The following PRKAR1A variants were observed in gnomAD, a reference collection of about 807,000 sequenced individuals.
The protein encoded by PRKAR1A is protein kinase cAMP-dependent type I regulatory subunit alpha.
PRKAR1A carries 3 observed loss-of-function variants against 52.0 expected under a neutral mutation model. The observed-to-expected ratio is 0.06, with a 90% CI of 0.03 to 0.15. The LOEUF is 0.15. PRKAR1A is among the 10% of genes least tolerant of loss of function. PRKAR1A has a pLI of 1.00. For synonymous variants in PRKAR1A, 188 were observed against 168.4 expected (o/e 1.12, Z -0.90); for missense variants, 240 against 477.4 (o/e 0.50, Z 4.63).
chr17:68,419,437 G>A, the PRKAR1A span, among the ~76,000 whole-genome samples: 7 of 152,186 alleles, frequency 4.6e-5, no homozygotes, highest in East Asian at 7.7e-4. Context: ...TTAGCCGAGC[G>A]TGGTGGCAGG....
At chr17:68,450,785 T>A in the PRKAR1A span, 2 of 1,614,048 alleles carry the variant, frequency 1.2e-6, no homozygotes, top group Non-Finnish European at 1.7e-6. Flanking sequence ...TACAGATCTC[T>A]GTGCCTTTCT....
chr17:68,438,567 C>G, the PRKAR1A span, among the ~76,000 whole-genome samples: 1 of 152,174 alleles, frequency 6.6e-6, no homozygotes, highest in Non-Finnish European at 1.5e-5. Context: ...CTTACAAATG[C>G]AGTGTGTAAC....
chr17:68,502,846 A>C, the PRKAR1A span, among the ~76,000 whole-genome samples: 2 of 152,024 alleles, frequency 1.3e-5, no homozygotes, highest in Admixed American at 1.3e-4. Flanking sequence ...TTGGAAATCC[A>C]TCATCTATAT....
chr17:68,510,159 C>CAGAGAGAGAGAGAGAGAGAGAG (rs35144524), upstream of PRKAR1A, among the ~76,000 whole-genome samples: 2,321 of 127,408 alleles, frequency 0.018, 88 homozygotes, highest in Non-Finnish European at 0.028. Flanking sequence ...TATATGTAGA[C>CAGAGAGAGAGAGAGAGAGAGAG]AGAGAGAGAG....
chr17:68,417,325 C>G, the PRKAR1A span, among the ~76,000 whole-genome samples: 1 of 152,116 alleles, frequency 6.6e-6, no homozygotes, highest in Non-Finnish European at 1.5e-5. Context: ...GTTAAGAAAA[C>G]TAGAATGTTT....
Position 68,530,287 on chromosome 17 carries a change from A to T in PRKAR1A, c.984A>T (p.Ala328=). The part of the protein sequence containing the change: ...LGPSDYFGEI[A]LLMNRPRAAT... ...CTTTGCTTTCTCCAGGTGAAATTGC[A>T]CTACTGATGAATCGTCCTCGTGCTG... The change falls in exon 11 of 11, where the codon GCA becomes GCT. Residue 328 remains alanine (A), a synonymous_variant. Transcript: ENST00000589228. 3.1e-6 allele frequency: 5 copies of T among 1,614,140 alleles called. No individual in the cohort carries two copies. Among genetic ancestry groups the T allele is most frequent in the Non-Finnish European group, 4.2e-6 (5 of 1,180,004 alleles).
chr17:68,511,450 C>A (rs1304722900), upstream of PRKAR1A, among the ~76,000 whole-genome samples: 2 of 152,168 alleles, frequency 1.3e-5, no homozygotes. Context: ...CCCATTAGTG[C>A]AGCTTGTCTG....
intron 11 of PRKAR1A, chr17:68,542,737 G>A: frequency 6.2e-7 from 1 of 1,614,128 alleles, no homozygotes; most frequent in Non-Finnish European, 8.5e-7. Context: ...CATTCTTGGT[G>A]ACCTCTAGGA....
intron 8 of PRKAR1A, 138 bp from the exon 9 acceptor site, chr17:68,528,732 A>G: frequency 1.8e-6 from 2 of 1,138,064 alleles, no homozygotes; most frequent in Non-Finnish European, 2.6e-6. Context: ...AATTGAAGAC[A>G]GGTACCACTT....
At chr17:68,448,703 A>G in the PRKAR1A span, among the ~76,000 whole-genome samples, 2 of 152,238 alleles carry the variant, frequency 1.3e-5, no homozygotes, top group South Asian at 4.1e-4. Flanking sequence ...CAATCTTAAA[A>G]AGATCATCAG....
At chr17:68,436,618 C>T in the PRKAR1A span, 20 of 697,706 alleles carry the variant, frequency 2.9e-5, no homozygotes, top group East Asian at 1.4e-4. Context: ...AACTGCTTTC[C>T]GCTGATGATT....
the PRKAR1A span, among the ~76,000 whole-genome samples, chr17:68,494,352 C>T: frequency 6.6e-6 from 1 of 152,018 alleles, no homozygotes; most frequent in African/African-American, 2.4e-5. Flanking sequence ...CCAGCCTGGC[C>T]AGCATAGAGA....
At chr17:68,540,517 A>C in intron 11 of PRKAR1A, 3 of 481,834 alleles carry the variant, frequency 6.2e-6, no homozygotes, top group Non-Finnish European at 8.2e-6. Flanking sequence ...CCTCCCTGCT[A>C]CATATTTGTG....
intron 2 of PRKAR1A, among the ~76,000 whole-genome samples, chr17:68,521,820 T>C (rs1285493682): frequency 6.6e-6 from 1 of 152,192 alleles, no homozygotes; most frequent in Non-Finnish European, 1.5e-5. Flanking sequence ...AGAAAAGAAA[T>C]AACGGGTCAA....
At chr17:68,427,003 T>A in the PRKAR1A span, 1 of 715,208 alleles carries the variant, frequency 1.4e-6, no homozygotes, top group Non-Finnish European at 2.4e-6. Context: ...CAGGTAACAG[T>A]GAAGGGGGAA....
chr17:68,452,735 G>A, the PRKAR1A span, among the ~76,000 whole-genome samples: 1 of 152,204 alleles, frequency 6.6e-6, no homozygotes, highest in South Asian at 2.1e-4. Flanking sequence ...CTAAGTGCTT[G>A]TGGTTTAAAG....
At chr17:68,548,567 A>G (rs1240776195) in intron 11 of PRKAR1A, among the ~76,000 whole-genome samples, 2 of 151,996 alleles carry the variant, frequency 1.3e-5, no homozygotes, top group Non-Finnish European at 2.9e-5. Flanking sequence ...GAATTACCAA[A>G]TGTGACACAG....
chr17:68,496,801 C>A, the PRKAR1A span, among the ~76,000 whole-genome samples: 1 of 131,752 alleles, frequency 7.6e-6, no homozygotes, highest in Non-Finnish European at 1.7e-5. Flanking sequence ...TTGTACAGCT[C>A]TTAAGCTTAG....
the PRKAR1A span, among the ~76,000 whole-genome samples, chr17:68,463,440 T>A: frequency 6.6e-6 from 1 of 152,248 alleles, no homozygotes. Flanking sequence ...ATCATGTGCC[T>A]GTTGTGTGCC....
Sources: allele counts gnomAD v4.1 joint callset (sites outside exome capture counted in the v4.1 genomes callset), GRCh38; gene constraint gnomAD v4.1.1; transcripts MANE v1.5; gene names NCBI Gene and HGNC (gene_info 2026-07-23, HGNC 2026-07-21).